IQGAP1: variants seen among roughly 807,000 people sequenced by gnomAD.
The protein encoded by IQGAP1 is IQ motif containing GTPase activating protein 1.
A neutral mutation model predicts 215.6 loss-of-function variants in IQGAP1; 66 were observed. That is an observed-to-expected ratio of 0.31 (90% CI 0.25 to 0.38). The LOEUF is 0.38. Among genes scored for constraint, IQGAP1 ranks in the 10% least tolerant of loss-of-function variants. The pLI is 1.00. For synonymous variants in IQGAP1, 772 were observed against 728.7 expected (o/e 1.06, Z -0.96); for missense variants, 1,712 against 1,997.1 (o/e 0.86, Z 2.72).
At chr15:90,417,096 T>A (rs567088266) in intron 2 of IQGAP1, among the ~76,000 whole-genome samples, 3 of 152,214 alleles carry the variant, frequency 2.0e-5, no homozygotes, top group Non-Finnish European at 4.4e-5. Flanking sequence ...CTTTGTAGAT[T>A]CTGGATATTA....
chr15:90,427,061 G>A (rs577680430), intron 3 of IQGAP1, among the ~76,000 whole-genome samples: 7 of 151,932 alleles, frequency 4.6e-5, no homozygotes, highest in East Asian at 3.9e-4. Context: ...AAGACCAGGA[G>A]TTTGAGAGTA....
intron 15 of IQGAP1, among the ~76,000 whole-genome samples, chr15:90,460,430 C>G (rs1314100259): frequency 1.3e-5 from 2 of 151,976 alleles, no homozygotes; most frequent in African/African-American, 4.8e-5. Context: ...AAACTGTTAT[C>G]CTTAATGTTT....
At position 90,486,044 on chromosome 15, in the gene IQGAP1, C is replaced by G. The variant is rs754475564; in HGVS notation, c.3936C>G (p.His1312Gln). The change falls in exon 31 of 38, where the codon CAC becomes CAG. Residue 1312 changes from histidine to glutamine, a missense_variant. Coordinates refer to ENST00000268182, the MANE Select transcript of IQGAP1 (RefSeq NM_003870.4). ...GGTGTTTGCAGCTCCTGTTGGATCA[C>G]CAGGATGCCATTGCTCCGGAGCACA... is the stretch of plus-strand genomic sequence containing the variant. ...IINTHTLLLD[H>Q]QDAIAPEHND... 5 of 1,613,302 alleles carry G rather than the reference C, an allele frequency of 3.1e-6. No homozygotes were observed. The East Asian group carries it at 8.9e-5, about 29-fold the overall frequency.
intron 4 of IQGAP1, 34 bp downstream of exon 4, chr15:90,429,700 TCCAGC>T (rs779033683): frequency 7.0e-7 from 1 of 1,431,304 alleles, no homozygotes. Flanking sequence ...TAGGCTTTGT[TCCAGC>T]TGTTGTGGCA....
intron 28 of IQGAP1, chr15:90,482,630 T>G: frequency 1.6e-6 from 1 of 632,436 alleles, no homozygotes; most frequent in Non-Finnish European, 2.1e-6. Flanking sequence ...CTGATAACTC[T>G]TTCTTACTCA....
chr15:90,478,998 G>A (rs574033170), intron 26 of IQGAP1, among the ~76,000 whole-genome samples: 3 of 152,282 alleles, frequency 2.0e-5, no homozygotes, highest in South Asian at 2.1e-4. Flanking sequence ...ATGCCAAAAC[G>A]TTTCTGGTTT....
chr15:90,477,857 T>C lies in IQGAP1; in HGVS notation c.3297T>C (p.Val1099=), dbSNP rs776942686. ...TDPVDIYKSW[V]NQMESQTGEA... ...CTGTGGATATTTACAAATCTTGGGT[T>C]AATCAGATGGAGTCTCAGACAGGAG... The change falls in exon 26 of 38, where the codon GTT becomes GTC. Residue 1099 remains valine (V), a synonymous_variant. Coordinates refer to ENST00000268182, the MANE Select transcript of IQGAP1 (RefSeq NM_003870.4). 4.3e-6 allele frequency: 7 copies of C among 1,613,318 alleles called. No homozygotes were observed. The African/African-American group carries it at 8.0e-5, about 18-fold the overall frequency.
Position 90,453,296 on chromosome 15 carries a change from G to C in IQGAP1, c.1487+4G>C, listed in dbSNP as rs373268303. 1.2e-6 allele frequency: 2 copies of C among 1,607,416 alleles called. No homozygotes were observed. Among genetic ancestry groups the C allele is most frequent in the Middle Eastern group, 1.7e-4 (1 of 6,022 alleles). On this transcript the variant is annotated splice_donor_region_variant and intron_variant, in intron 13 of 37. Coordinates refer to ENST00000268182, the MANE Select transcript of IQGAP1 (RefSeq NM_003870.4). Reference sequence around the variant, plus strand: ...TTGAGGAAGAAAACTGTCAGAGGTGGGTGTCCAGAGTGAAGGGAATAAATC... The same window carrying C: ...TTGAGGAAGAAAACTGTCAGAGGTGCGTGTCCAGAGTGAAGGGAATAAATC...
chr15:90,475,324 G>C (rs1009553939), intron 23 of IQGAP1, among the ~76,000 whole-genome samples: 1 of 151,722 alleles, frequency 6.6e-6, no homozygotes, highest in African/African-American at 2.4e-5. Context: ...TAGAGACGGG[G>C]GTTTCACCAT....
chr15:90,403,068 C>T (rs952180741), intron 2 of IQGAP1, among the ~76,000 whole-genome samples: 4 of 152,088 alleles, frequency 2.6e-5, no homozygotes, highest in African/African-American at 9.7e-5. Flanking sequence ...GCCAGGAGTT[C>T]ATGACCAGCC....
chr15:90,414,698 A>G (rs983303156), intron 2 of IQGAP1, among the ~76,000 whole-genome samples: 1 of 150,112 alleles, frequency 6.7e-6, no homozygotes, highest in African/African-American at 2.4e-5. Context: ...TTTTCTCCAC[A>G]GCCTCTTTCT....
chr15:90,476,862 T>A, intron 24 of IQGAP1, 44 bp downstream of exon 24: 3 of 1,567,806 alleles, frequency 1.9e-6, no homozygotes, highest in Non-Finnish European at 2.6e-6. Context: ...TTAGTGAATT[T>A]ATTTTTCCAC....
chr15:90,406,939 A>G (rs1382548460), intron 2 of IQGAP1, among the ~76,000 whole-genome samples: 1 of 152,230 alleles, frequency 6.6e-6, no homozygotes, highest in Non-Finnish European at 1.5e-5. Context: ...GATATATGGT[A>G]TATGCAGCCA....
intron 9 of IQGAP1, among the ~76,000 whole-genome samples, chr15:90,446,831 T>C (rs1175670858): frequency 1.3e-5 from 2 of 152,206 alleles, no homozygotes; most frequent in African/African-American, 2.4e-5. Context: ...ATTAGAGTTA[T>C]ATAACTAAAG....
intron 15 of IQGAP1, among the ~76,000 whole-genome samples, chr15:90,456,924 GTA>G (rs145308728): frequency 0.2 from 26,863 of 131,252 alleles, 2,736 homozygotes; most frequent in African/African-American, 0.26. Context: ...GTGTGTGTGT[GTA>G]TATATATATA....
intron 15 of IQGAP1, among the ~76,000 whole-genome samples, chr15:90,464,392 A>G (rs1366012653): frequency 2.6e-5 from 4 of 152,190 alleles, no homozygotes; most frequent in Non-Finnish European, 5.9e-5. Context: ...CAGTATGACC[A>G]TGGAAATCTA....
chr15:90,491,313 C>T lies in IQGAP1; in HGVS notation c.4249-20C>T, dbSNP rs754690000. On this transcript the variant is annotated intron_variant, in intron 33 of 37. Coordinates refer to ENST00000268182, the MANE Select transcript of IQGAP1 (RefSeq NM_003870.4). ...ATTAGTGTGGTAAACTTGCTAAGAA[C>T]TTCTTTTTCCCATCCGTAGGAAGCA... 1 of 1,607,962 alleles carries T rather than the reference C, an allele frequency of 6.2e-7. No individual in the cohort carries two copies.
chr15:90,472,128 A>G (rs1041147611), intron 18 of IQGAP1, among the ~76,000 whole-genome samples: 4 of 152,158 alleles, frequency 2.6e-5, no homozygotes, highest in African/African-American at 9.7e-5. Flanking sequence ...AAAAATTAAA[A>G]TTAGCCAGGT....
intron 3 of IQGAP1, among the ~76,000 whole-genome samples, chr15:90,428,486 A>T (rs1448445027): frequency 1.4e-5 from 2 of 146,036 alleles, no homozygotes; most frequent in East Asian, 3.9e-4. Flanking sequence ...CAGCAACAAT[A>T]AAAAAAAAAT....
Sources: allele counts gnomAD v4.1 joint callset (sites outside exome capture counted in the v4.1 genomes callset), GRCh38; gene constraint gnomAD v4.1.1; transcripts MANE v1.5; gene names NCBI Gene and HGNC (gene_info 2026-07-23, HGNC 2026-07-21).